The following HPSE2 variants were observed in gnomAD, a reference collection of about 807,000 sequenced individuals.
HPSE2 encodes the protein heparanase 2 (inactive).
HPSE2 carries 38 observed loss-of-function variants against 60.5 expected under a neutral mutation model. The observed-to-expected ratio is 0.63, with a 90% CI of 0.48 to 0.82. The LOEUF is 0.82. HPSE2 is among the 40% of genes least tolerant of loss of function. The pLI, the probability that HPSE2 is intolerant of heterozygous loss-of-function variation, is 0.00. For synonymous variants in HPSE2, 295 were observed against 293.2 expected (o/e 1.01, Z -0.06); for missense variants, 713 against 740.4 (o/e 0.96, Z 0.43).
chr10:98,960,145 T>C (rs77509825), intron 3 of HPSE2, among the ~76,000 whole-genome samples: 4,651 of 152,282 alleles, frequency 0.031, 86 homozygotes, highest in African/African-American at 0.056. Flanking sequence ...TGAAATAACA[T>C]TGAATCACAT....
chr10:98,571,854 A>T (rs2133899289), intron 9 of HPSE2, among the ~76,000 whole-genome samples: 1 of 152,244 alleles, frequency 6.6e-6, no homozygotes, highest in South Asian at 2.1e-4. Flanking sequence ...TTATTTTCAT[A>T]GCTGTGAGTC....
chr10:99,062,612 C>A, intron 3 of HPSE2, among the ~76,000 whole-genome samples: 1 of 151,984 alleles, frequency 6.6e-6, no homozygotes, highest in East Asian at 1.9e-4. Flanking sequence ...AGAGCCAAAA[C>A]CTTATATCTG....
intron 5 of HPSE2, among the ~76,000 whole-genome samples, chr10:98,721,350 A>C (rs1439751504): frequency 1.3e-5 from 2 of 152,152 alleles, no homozygotes; most frequent in Non-Finnish European, 2.9e-5. Flanking sequence ...AAAAAATATA[A>C]AATGATGCTA....
chr10:98,997,276 C>A (rs1328561502), intron 3 of HPSE2, among the ~76,000 whole-genome samples: 1 of 151,858 alleles, frequency 6.6e-6, no homozygotes, highest in Non-Finnish European at 1.5e-5. Context: ...CCATGCCCGG[C>A]TAATTTTTTT....
chr10:98,760,762 C>A (rs1340236559), intron 3 of HPSE2, among the ~76,000 whole-genome samples: 1 of 151,954 alleles, frequency 6.6e-6, no homozygotes, highest in Non-Finnish European at 1.5e-5. Flanking sequence ...ATTTTCTTTT[C>A]TTGTAGTGAC....
intron 3 of HPSE2, among the ~76,000 whole-genome samples, chr10:98,744,983 T>C (rs546814150): frequency 2.6e-4 from 39 of 152,264 alleles, no homozygotes; most frequent in African/African-American, 8.9e-4. Flanking sequence ...CGGGTGGATC[T>C]CGAGGTCAGG....
At chr10:99,315,592 A>G in the HPSE2 span, among the ~76,000 whole-genome samples, 1 of 152,204 alleles carries the variant, frequency 6.6e-6, no homozygotes, top group South Asian at 2.1e-4. Context: ...AAGGAAATCT[A>G]TCTCAATCTC....
At chr10:98,794,522 G>A (rs1010401516) in intron 3 of HPSE2, among the ~76,000 whole-genome samples, 13 of 152,158 alleles carry the variant, frequency 8.5e-5, no homozygotes, top group African/African-American at 3.1e-4. Flanking sequence ...TGGGCTTACA[G>A]GCATGAGCCA....
the HPSE2 span, among the ~76,000 whole-genome samples, chr10:99,301,677 C>A: frequency 6.6e-6 from 1 of 152,170 alleles, no homozygotes; most frequent in Admixed American, 6.5e-5. Flanking sequence ...TTCTAAACAG[C>A]TAGACCAGAT....
intron 6 of HPSE2, among the ~76,000 whole-genome samples, chr10:98,665,196 A>G (rs1947330035): frequency 6.6e-6 from 1 of 152,232 alleles, no homozygotes; most frequent in South Asian, 2.1e-4. Flanking sequence ...GGAAACTCTC[A>G]GTTTGAAGAC....
intron 9 of HPSE2, among the ~76,000 whole-genome samples, chr10:98,613,083 G>A (rs567598796): frequency 7.2e-5 from 11 of 152,252 alleles, no homozygotes; most frequent in Admixed American, 2.0e-4. Context: ...TTGGCTCTTG[G>A]CTTACATGTC....
At chr10:99,090,399 G>C (rs1012556162) in intron 3 of HPSE2, among the ~76,000 whole-genome samples, 5 of 151,998 alleles carry the variant, frequency 3.3e-5, no homozygotes, top group African/African-American at 1.2e-4. Context: ...TCTGAACGAA[G>C]GAAGGAACTT....
intron 3 of HPSE2, among the ~76,000 whole-genome samples, chr10:98,866,734 C>T (rs1317763720): frequency 1.3e-5 from 2 of 151,522 alleles, no homozygotes; most frequent in Admixed American, 6.6e-5. Flanking sequence ...ATAAAACAAA[C>T]AACAACAAGA....
chr10:99,248,996 A>T, the HPSE2 span, among the ~76,000 whole-genome samples: 1 of 152,212 alleles, frequency 6.6e-6, no homozygotes, highest in Non-Finnish European at 1.5e-5. Context: ...CAGAGGATGT[A>T]TGGAAATGCC....
At chr10:98,703,092 G>A (rs777189628) in intron 5 of HPSE2, among the ~76,000 whole-genome samples, 1 of 152,088 alleles carries the variant, frequency 6.6e-6, no homozygotes, top group Non-Finnish European at 1.5e-5. Context: ...AATAAAAAAT[G>A]ATAAAGGAGA....
At chr10:98,749,264 C>T (rs1001865339) in intron 3 of HPSE2, among the ~76,000 whole-genome samples, 2 of 151,934 alleles carry the variant, frequency 1.3e-5, no homozygotes. Flanking sequence ...ATTGGACATT[C>T]ATTAACTTAT....
At chr10:98,686,011 C>A (rs1947906716) in intron 6 of HPSE2, among the ~76,000 whole-genome samples, 1 of 152,120 alleles carries the variant, frequency 6.6e-6, no homozygotes, top group Non-Finnish European at 1.5e-5. Flanking sequence ...CTCTTTCATT[C>A]TTGATACTTG....
At chr10:98,627,547 T>C (rs568487480) in intron 7 of HPSE2, among the ~76,000 whole-genome samples, 14 of 152,346 alleles carry the variant, frequency 9.2e-5, no homozygotes, top group Non-Finnish European at 1.8e-4. Context: ...ACTCTGGAGA[T>C]GGATTGCCTG....
At chr10:98,854,684 A>C (rs1304589467) in intron 3 of HPSE2, among the ~76,000 whole-genome samples, 1 of 152,188 alleles carries the variant, frequency 6.6e-6, no homozygotes, top group Non-Finnish European at 1.5e-5. Context: ...AGGACATATA[A>C]CATGTAAGTA....
Sources: gnomAD v4.1 joint callset for allele counts (sites outside exome capture counted in the v4.1 genomes callset) on GRCh38, gnomAD v4.1.1 for gene constraint, MANE v1.5 for transcripts, NCBI Gene and HGNC (gene_info 2026-07-23, HGNC 2026-07-21) for gene names.